COLGALT1: variants seen among roughly 807,000 people sequenced by gnomAD.
COLGALT1 encodes the protein collagen beta(1-O)galactosyltransferase 1.
COLGALT1 carries 43 observed loss-of-function variants against 60.8 expected under a neutral mutation model. The ratio of observed to expected loss-of-function variants is 0.71; its 90% confidence interval spans 0.55 to 0.91. The LOEUF (loss-of-function observed/expected upper bound fraction) is 0.91, where lower values mean the gene tolerates loss of function less well. COLGALT1 is among the 40% of genes least tolerant of loss of function. The probability of loss-of-function intolerance (pLI) is 0.00; values close to 1 mark genes in which losing one functional copy is unlikely to be tolerated. For synonymous variants in COLGALT1, 369 were observed against 374.2 expected, an observed-to-expected ratio of 0.99 and a Z score of 0.16; for missense variants, 845 against 880.0, an observed-to-expected ratio of 0.96 and a Z score of 0.50.
Position 17,580,821 on chromosome 19 carries a change from C to T in COLGALT1, c.1517C>T (p.Ala506Val). 6.2e-7 allele frequency: 1 copy of T among 1,614,050 alleles called. No individual in the cohort carries two copies. The highest frequency in any genetic ancestry group is 8.5e-7 in the Non-Finnish European group (1 of 1,180,014). ...GCCTACGTGATCTCCCTGCAAGGCG[C>T]CCGCAAACTGCTGGCTGCTGAGCCG... ...TLAYVISLQGARKLLAAEPLS... is the reference protein window; with the variant it reads ...TLAYVISLQGVRKLLAAEPLS... The change falls in exon 11 of 12, where the codon GCC becomes GTC. Residue 506 changes from alanine (A) to valine (V), a missense_variant. Coordinates refer to ENST00000252599, the MANE Select transcript of COLGALT1 (RefSeq NM_024656.4).
intron 3 of COLGALT1, among the ~76,000 whole-genome samples, chr19:17,564,557 C>T (rs937336037): frequency 5.9e-5 from 9 of 151,412 alleles, no homozygotes; most frequent in South Asian, 2.1e-4. Flanking sequence ...CCTGGGATTA[C>T]AGGTGCCCGC....
At chr19:17,576,327 C>T (rs1288803855) in intron 6 of COLGALT1, among the ~76,000 whole-genome samples, 1 of 151,998 alleles carries the variant, frequency 6.6e-6, no homozygotes, top group Non-Finnish European at 1.5e-5. Flanking sequence ...GGAGGGTGAC[C>T]CCCATGCCCA....
chr19:17,562,623 C>G (rs1387448852), intron 3 of COLGALT1, among the ~76,000 whole-genome samples: 1 of 151,672 alleles, frequency 6.6e-6, no homozygotes, highest in Non-Finnish European at 1.5e-5. Context: ...GATTGCACCA[C>G]TGCGCTCCAG....
At chr19:17,581,050 C>T in intron 11 of COLGALT1, 127 bp from the exon 12 acceptor site, 2 of 1,377,438 alleles carry the variant, frequency 1.5e-6, no homozygotes, top group South Asian at 2.5e-5. Context: ...GATCTGTCTC[C>T]ATTTGTATCC....
Position 17,580,853 on chromosome 19 carries a change from A to G in COLGALT1, c.1549A>G (p.Lys517Glu). 1 of 1,613,688 alleles carries G rather than the reference A, an allele frequency of 6.2e-7. No individual in the cohort carries two copies. Among genetic ancestry groups the G allele is most frequent in the Non-Finnish European group, 8.5e-7 (1 of 1,179,938 alleles). ...RKLLAAEPLSKMLPVDEFLPV... is the reference protein window; with the variant it reads ...RKLLAAEPLSEMLPVDEFLPV... ...ACTGCTGGCTGCTGAGCCGCTCTCC[A>G]AGATGCTGCCTGTGGACGAGTTCCT... The change falls in exon 11 of 12, where the codon AAG becomes GAG. Residue 517 changes from lysine (K) to glutamate (E), a missense_variant. Physicochemically the swap from Lys to Glu is moderately conservative, Grantham distance 56. Coordinates refer to ENST00000252599, the MANE Select transcript of COLGALT1 (RefSeq NM_024656.4).
At chr19:17,571,387 G>A (rs143553894) in intron 5 of COLGALT1, among the ~76,000 whole-genome samples, 2,167 of 151,840 alleles carry the variant, frequency 0.014, 44 homozygotes, top group African/African-American at 0.044. Context: ...CAGCCTGGGC[G>A]ACAGAGCGAG....
At chr19:17,574,617 A>T (rs971385955) in intron 6 of COLGALT1, among the ~76,000 whole-genome samples, 3 of 152,048 alleles carry the variant, frequency 2.0e-5, no homozygotes, top group Non-Finnish European at 2.9e-5. Flanking sequence ...GGCGTGTGTC[A>T]CTGCGCCTGG....
At chr19:17,563,551 G>T (rs776678100) in intron 3 of COLGALT1, among the ~76,000 whole-genome samples, 1 of 152,016 alleles carries the variant, frequency 6.6e-6, no homozygotes, top group Non-Finnish European at 1.5e-5. Flanking sequence ...GGGTTTCACC[G>T]TGTTGGCCAG....
chr19:17,581,404 T>C lies in COLGALT1; in HGVS notation c.1829T>C (p.Leu610Pro), dbSNP rs767227467. 11 of 1,611,678 alleles carry C rather than the reference T, an allele frequency of 6.8e-6. No homozygotes were observed. The South Asian group carries it at 1.1e-4, about 16-fold the overall frequency. The change falls in exon 12 of 12, where the codon CTC (leucine) becomes CCC (proline). Residue 610 changes from leucine (L) to proline (P), a missense_variant. Physicochemically the swap from Leu to Pro is moderately conservative, Grantham distance 98. Transcript: ENST00000252599. ...CGTGAGGCCAAGAACTCGGACGTGC[T>C]CCAGTCCCCACTGGACAGTGCTGCC... ...LSREAKNSDV[L>P]QSPLDSAARD...
chr19:17,568,451 G>A (rs961975864), intron 4 of COLGALT1, 58 bp from the exon 5 acceptor site: 14 of 1,433,988 alleles, frequency 9.8e-6, no homozygotes, highest in Admixed American at 5.0e-5. Flanking sequence ...CCACTATCAC[G>A]GGTCTCCATC....
intron 6 of COLGALT1, among the ~76,000 whole-genome samples, chr19:17,575,223 GTATTTT>G (rs985464451): frequency 8.6e-5 from 13 of 151,660 alleles, no homozygotes; most frequent in African/African-American, 2.9e-4. Context: ...CTAATTTTTT[GTATTTT>G]TATTTTTATT....
rs2076348887 is a variant in COLGALT1 at position 17,577,216 on chromosome 19, C to T, written c.971C>T (p.Pro324Leu). The change falls in exon 7 of 12, where the codon CCC becomes CTC. Residue 324 changes from proline (P) to leucine (L), a missense_variant. Pro to Leu is a moderately conservative substitution (Grantham distance 98). Transcript: ENST00000252599. The part of the protein sequence containing the change: ...EVMVKHPPAE[P>L]SRFISAPTKT... ...ACAGTGAAGCACCCGCCCGCAGAGC[C>T]CTCCCGCTTCATCTCGGCTCCCACC... The T allele has an allele frequency of 1.9e-6, 3 of 1,612,594 alleles. No individual in the cohort carries two copies. Among genetic ancestry groups the T allele is most frequent in the Non-Finnish European group, 2.5e-6 (3 of 1,179,558 alleles).
intron 5 of COLGALT1, 133 bp from the exon 6 acceptor site, chr19:17,572,350 C>A: frequency 7.5e-7 from 1 of 1,325,422 alleles, no homozygotes; most frequent in Non-Finnish European, 1.1e-6. Context: ...TGCTCTGTTG[C>A]CCAGGCTGGT....
intron 10 of COLGALT1, 98 bp downstream of exon 10, chr19:17,579,707 T>A (rs1355317074): frequency 1.6e-6 from 2 of 1,281,502 alleles, no homozygotes; most frequent in East Asian, 3.0e-5. Flanking sequence ...GACCTGGGGA[T>A]GGGTCATGGC....
chr19:17,572,554 C>G lies in COLGALT1; in HGVS notation c.901C>G (p.Leu301Val), dbSNP rs1448158879. The G allele has an allele frequency of 6.2e-7, 1 of 1,614,186 alleles. No individual in the cohort carries two copies. ...AGTGCCATTGCGCGCCCACAGCACC[C>G]TCCAGGATGAGGCCGAGAGCTTCAT... ...LPVPLRAHST[L>V]QDEAESFMHV... Residue 301 changes from leucine (L) to valine (V), a missense_variant, in exon 6 of 12, where the codon CTC becomes GTC. Transcript: ENST00000252599.
chr19:17,563,019 C>T (rs1657232398), intron 3 of COLGALT1, among the ~76,000 whole-genome samples: 1 of 151,950 alleles, frequency 6.6e-6, no homozygotes, highest in African/African-American at 2.4e-5. Flanking sequence ...TGGAGCCTTC[C>T]AGAGCCTTCT....
intron 6 of COLGALT1, 49 bp from the exon 7 acceptor site, chr19:17,577,146 G>C: frequency 1.3e-6 from 2 of 1,574,150 alleles, no homozygotes; most frequent in South Asian, 2.2e-5. Flanking sequence ...GTTGGAGAGA[G>C]GCTGGAGGCT....
At chr19:17,560,253 A>G in intron 2 of COLGALT1, 95 bp from the exon 3 acceptor site, 1 of 884,922 alleles carries the variant, frequency 1.1e-6, no homozygotes, top group Non-Finnish European at 1.8e-6. Context: ...CCCCTCCTCC[A>G]GGAAGCTCTC....
rs1269809948 is a variant in COLGALT1, at chr19:17,583,086, C to G, written c.*1642C>G. ...TTCAGCCTGAATCGAATGTCAGAAC[C>G]AGCCAGCGGTGCTTCACCCTCTTGG... On this transcript the variant is annotated 3_prime_UTR_variant, in exon 12 of 12. Transcript: ENST00000252599. 6.6e-6 allele frequency: 1 copy of G among 152,252 alleles called. No homozygotes were observed. The highest frequency in any genetic ancestry group is 1.5e-5 in the Non-Finnish European group (1 of 68,062). The allele number at this position is 152,252 out of a possible 1,614,324, so 9.4% of individuals were successfully genotyped here. A position where few individuals can be genotyped will look rare whatever the true frequency, so the allele number is the denominator to read the frequency against.
Sources: gnomAD v4.1 joint callset for allele counts (sites outside exome capture counted in the v4.1 genomes callset) on GRCh38, gnomAD v4.1.1 for gene constraint, MANE v1.5 for transcripts, NCBI Gene and HGNC (gene_info 2026-07-23, HGNC 2026-07-21) for gene names.